Variants in PKN2 observed in about 807,000 individuals in gnomAD.
PKN2 encodes the protein protein kinase N2.
PKN2 carries 38 observed loss-of-function variants against 119.1 expected under a neutral mutation model. That is an observed-to-expected ratio of 0.32 (90% CI 0.25 to 0.42). PKN2 has a LOEUF of 0.42. Ranked by LOEUF, PKN2 falls within the 10% of genes least tolerant of loss-of-function variation. The probability of loss-of-function intolerance (pLI) is 1.00; values close to 1 mark genes in which losing one functional copy is unlikely to be tolerated. For missense variants in PKN2, 850 were observed against 1,165.1 expected (o/e 0.73, Z 3.94); for synonymous variants, 390 against 384.9 (o/e 1.01, Z -0.15).
At chr1:88,692,854 A>G (rs1666385669) in intron 1 of PKN2, among the ~76,000 whole-genome samples, 1 of 152,180 alleles carries the variant, frequency 6.6e-6, no homozygotes, top group Non-Finnish European at 1.5e-5. Context: ...CTTCTTTGGC[A>G]AATATTTGGA....
At chr1:88,702,167 C>A (rs964781467) in intron 1 of PKN2, among the ~76,000 whole-genome samples, 1 of 152,104 alleles carries the variant, frequency 6.6e-6, no homozygotes, top group Non-Finnish European at 1.5e-5. Flanking sequence ...CCATGTTGTC[C>A]AAGGTGGTCT....
chr1:88,688,085 A>G (rs1202090145), intron 1 of PKN2, among the ~76,000 whole-genome samples: 2 of 22,082 alleles, frequency 9.1e-5, no homozygotes, highest in South Asian at 3.4e-3. Flanking sequence ...CCACTACACT[A>G]TTCTTTTTTT....
Position 88,741,213 on chromosome 1 carries a change from A to G in PKN2, c.274A>G (p.Lys92Glu). Residue 92 changes from lysine to glutamate, a missense_variant, in exon 2 of 22, where the codon AAA (lysine) becomes GAA (glutamate). By Grantham distance (56) the Lys-to-Glu change is moderately conservative. Coordinates refer to ENST00000370521, the MANE Select transcript of PKN2 (RefSeq NM_006256.4). ...VDNILKKSNK[K>E]LEELHHKLQE... ...CAACATTTTGAAAAAATCAAATAAAAAATTAGAAGAACTACATCACAAGCT... is the reference window on the plus strand; with the variant it reads ...CAACATTTTGAAAAAATCAAATAAAGAATTAGAAGAACTACATCACAAGCT... 6.2e-7 allele frequency: 1 copy of G among 1,602,478 alleles called. No homozygotes were observed.
intron 10 of PKN2, 120 bp downstream of exon 10, chr1:88,805,041 A>C (rs563934365): frequency 2.7e-5 from 15 of 563,002 alleles, no homozygotes; most frequent in African/African-American, 5.9e-5. Context: ...ATTTATTTCT[A>C]ACTTCTTATT....
At chr1:88,760,467 T>C in intron 3 of PKN2, 91 bp downstream of exon 3, 1 of 705,704 alleles carries the variant, frequency 1.4e-6, no homozygotes, top group South Asian at 2.1e-5. Flanking sequence ...AATTTATTAG[T>C]AACTCCAACA....
intron 16 of PKN2, chr1:88,816,903 AT>A (rs1672017878): frequency 6.6e-6 from 1 of 152,250 alleles, no homozygotes; most frequent in South Asian, 2.1e-4. Context: ...TGAGGCAGTA[AT>A]TAATAGCCTA....
intron 8 of PKN2, among the ~76,000 whole-genome samples, chr1:88,792,814 G>C (rs7543110): frequency 0.067 from 10,181 of 152,208 alleles, 703 homozygotes; most frequent in African/African-American, 0.18. Context: ...AGTTCAACTT[G>C]TTCTTGTAAT....
chr1:88,821,473 A>G (rs746292127), intron 16 of PKN2, among the ~76,000 whole-genome samples: 5 of 152,214 alleles, frequency 3.3e-5, no homozygotes, highest in Admixed American at 1.3e-4. Flanking sequence ...TCCTTCGCCC[A>G]GGATATCTTT....
At chr1:88,725,002 T>C (rs906736217) in intron 1 of PKN2, among the ~76,000 whole-genome samples, 20 of 149,372 alleles carry the variant, frequency 1.3e-4, no homozygotes, top group African/African-American at 4.9e-4. Context: ...GTTCAAGCAA[T>C]TCTTGTGCTT....
chr1:88,731,597 T>TAAAG (rs1287409942), intron 1 of PKN2, among the ~76,000 whole-genome samples: 1 of 152,236 alleles, frequency 6.6e-6, no homozygotes, highest in East Asian at 1.9e-4. Context: ...TCAAGAAAGT[T>TAAAG]AGACTAAATG....
chr1:88,802,924 T>TA (rs1472619141), intron 8 of PKN2, among the ~76,000 whole-genome samples: 1 of 152,160 alleles, frequency 6.6e-6, no homozygotes, highest in East Asian at 1.9e-4. Flanking sequence ...TCCTCCAATC[T>TA]AAAAAAATGG....
intron 1 of PKN2, among the ~76,000 whole-genome samples, chr1:88,722,073 G>T (rs765639640): frequency 1.3e-5 from 2 of 152,174 alleles, no homozygotes; most frequent in Non-Finnish European, 2.9e-5. Flanking sequence ...TAGAGTCATT[G>T]GTAGGCTCTA....
chr1:88,744,198 G>A (rs1478907371), intron 2 of PKN2, among the ~76,000 whole-genome samples: 1 of 152,098 alleles, frequency 6.6e-6, no homozygotes, highest in African/African-American at 2.4e-5. Flanking sequence ...GTAATCCCAT[G>A]AATTTATTTT....
At chr1:88,774,842 A>G (rs1431878307) in intron 6 of PKN2, among the ~76,000 whole-genome samples, 1 of 151,930 alleles carries the variant, frequency 6.6e-6, no homozygotes, top group Non-Finnish European at 1.5e-5. Flanking sequence ...CTGAGTAGCT[A>G]GGAGTACGGG....
chr1:88,727,299 TAC>T (rs1298006170), intron 1 of PKN2, among the ~76,000 whole-genome samples: 3 of 152,156 alleles, frequency 2.0e-5, no homozygotes, highest in Non-Finnish European at 4.4e-5. Flanking sequence ...TGTGTCATGA[TAC>T]ATTGAAACAG....
chr1:88,805,562 A>G lies in PKN2; in HGVS notation c.1567A>G (p.Arg523Gly), dbSNP rs1291126930. Residue 523 changes from arginine (R) to glycine (G), a missense_variant, in exon 11 of 22, where the codon AGA (arginine) becomes GGA (glycine). Coordinates refer to ENST00000370521, the MANE Select transcript of PKN2 (RefSeq NM_006256.4). ...NIATWGRLVR[R>G]AIPTVNHSGT... Reference sequence around the variant, plus strand: ...TGCCACTTGGGGAAGGCTAGTAAGAAGAGCTATTCCTACAGTAAATCATTC... The same window carrying G: ...TGCCACTTGGGGAAGGCTAGTAAGAGGAGCTATTCCTACAGTAAATCATTC... 6.2e-7 allele frequency: 1 copy of G among 1,613,922 alleles called. No homozygotes were observed.
chr1:88,756,583 A>G (rs1669212845), intron 2 of PKN2, among the ~76,000 whole-genome samples: 1 of 152,214 alleles, frequency 6.6e-6, no homozygotes, highest in African/African-American at 2.4e-5. Context: ...TTCTGAATGC[A>G]TTCCAGTTCT....
chr1:88,809,199 T>C (rs12239981), intron 15 of PKN2, among the ~76,000 whole-genome samples: 9,224 of 152,190 alleles, frequency 0.061, 571 homozygotes, highest in African/African-American at 0.15. Flanking sequence ...AAATGCTTTC[T>C]TGATATCTAA....
At chr1:88,774,766 T>C (rs995425245) in intron 6 of PKN2, among the ~76,000 whole-genome samples, 1 of 151,350 alleles carries the variant, frequency 6.6e-6, no homozygotes, top group African/African-American at 2.4e-5. Flanking sequence ...TGGAGTACAG[T>C]GGTATGATCA....
Sources: gnomAD v4.1 joint callset for allele counts (sites outside exome capture counted in the v4.1 genomes callset) on GRCh38, gnomAD v4.1.1 for gene constraint, MANE v1.5 for transcripts, NCBI Gene and HGNC (gene_info 2026-07-23, HGNC 2026-07-21) for gene names.